OR2L13: variants seen among roughly 807,000 people sequenced by gnomAD.
OR2L13 encodes the protein olfactory receptor 2L13.
In OR2L13, 14 loss-of-function variants were observed where a neutral mutation model predicts 15.3. That is an observed-to-expected ratio of 0.91 (90% CI 0.60 to 1.43). The LOEUF (loss-of-function observed/expected upper bound fraction) is 1.43. Among genes scored for constraint, OR2L13 ranks in the 40% most tolerant of loss-of-function variants. The pLI is 0.00. For synonymous variants in OR2L13, 152 were observed against 142.9 expected, an observed-to-expected ratio of 1.06 and a Z score of -0.45; for missense variants, 367 against 387.9, an observed-to-expected ratio of 0.95 and a Z score of 0.45.
the OR2L13 span, among the ~76,000 whole-genome samples, chr1:247,953,601 A>T: frequency 6.6e-6 from 1 of 152,224 alleles, no homozygotes; most frequent in African/African-American, 2.4e-5. Context: ...ATCCACAAAT[A>T]TGCTAAGTTG....
chr1:247,969,912 G>C, the OR2L13 span, among the ~76,000 whole-genome samples: 1 of 152,168 alleles, frequency 6.6e-6, no homozygotes, highest in Admixed American at 6.5e-5. Context: ...CTGAGACTGA[G>C]TGCATACAAC....
chr1:248,022,309 G>T, the OR2L13 span: 6 of 1,613,970 alleles, frequency 3.7e-6, no homozygotes, highest in African/African-American at 6.7e-5. Context: ...GCCTATGATC[G>T]TTATGTGGCC....
the OR2L13 span, among the ~76,000 whole-genome samples, chr1:247,973,770 G>A: frequency 6.6e-5 from 10 of 152,034 alleles, no homozygotes; most frequent in East Asian, 5.8e-4. Context: ...TTAAAATGTC[G>A]GGAAACAACA....
chr1:247,997,765 C>T, the OR2L13 span, among the ~76,000 whole-genome samples: 8 of 152,248 alleles, frequency 5.3e-5, no homozygotes, highest in South Asian at 8.3e-4. Context: ...CATTTCTGAA[C>T]GTTGGACTAA....
the OR2L13 span, chr1:247,965,485 G>C: frequency 1.2e-6 from 2 of 1,613,492 alleles, no homozygotes. Flanking sequence ...CCTCTTTACA[G>C]TTGCTCTGAC....
At chr1:247,975,135 C>A in the OR2L13 span, 1 of 392,778 alleles carries the variant, frequency 2.5e-6, no homozygotes, top group South Asian at 2.3e-5. Flanking sequence ...CTCCACTATC[C>A]CATCCATATG....
chr1:248,076,105 T>C, the OR2L13 span, among the ~76,000 whole-genome samples: 13 of 152,200 alleles, frequency 8.5e-5, no homozygotes, highest in Non-Finnish European at 1.8e-4. Context: ...AAATAGGGAA[T>C]CCTTTCCCCA....
chr1:248,085,600 T>G, the OR2L13 span, among the ~76,000 whole-genome samples: 1 of 151,706 alleles, frequency 6.6e-6, no homozygotes, highest in African/African-American at 2.4e-5. Flanking sequence ...GTTACATAAC[T>G]TGTATTTGTG....
At chr1:247,949,564 C>T in the OR2L13 span, 3 of 1,614,084 alleles carry the variant, frequency 1.9e-6, no homozygotes. Context: ...AGGAAGAAAG[C>T]CTATTTGACC....
chr1:247,992,006 G>A, the OR2L13 span, among the ~76,000 whole-genome samples: 18 of 149,226 alleles, frequency 1.2e-4, 2 homozygotes, highest in South Asian at 2.3e-3. Context: ...TAGGAAGTTG[G>A]TCCTTGAACA....
the OR2L13 span, chr1:248,022,192 C>A: frequency 6.2e-7 from 1 of 1,614,078 alleles, no homozygotes; most frequent in Non-Finnish European, 8.5e-7. Flanking sequence ...AAGATGGCTT[C>A]TGATTTTCTG....
the OR2L13 span, among the ~76,000 whole-genome samples, chr1:247,975,997 A>G: frequency 8.5e-5 from 13 of 152,190 alleles, no homozygotes. Flanking sequence ...TAAGACAAAA[A>G]TAATAAATTA....
the OR2L13 span, among the ~76,000 whole-genome samples, chr1:248,018,102 C>T: frequency 6.7e-6 from 1 of 150,104 alleles, no homozygotes; most frequent in East Asian, 1.9e-4. Flanking sequence ...TTGCAGTGAG[C>T]CGAGATCACA....
the OR2L13 span, among the ~76,000 whole-genome samples, chr1:248,027,252 TA>T: frequency 2.0e-5 from 3 of 152,222 alleles, no homozygotes; most frequent in Non-Finnish European, 4.4e-5. Context: ...TCCTGCCTAA[TA>T]AATTTTGTTC....
the OR2L13 span, among the ~76,000 whole-genome samples, chr1:248,086,466 A>G: frequency 6.6e-6 from 1 of 152,220 alleles, no homozygotes; most frequent in Non-Finnish European, 1.5e-5. Flanking sequence ...ATGGTTATAG[A>G]TGAGACTTTT....
the OR2L13 span, among the ~76,000 whole-genome samples, chr1:247,957,494 G>A: frequency 2.6e-5 from 4 of 152,104 alleles, no homozygotes; most frequent in Non-Finnish European, 5.9e-5. Flanking sequence ...TTTTCTATTG[G>A]TTGGAATAGT....
At chr1:248,064,432 C>T in the OR2L13 span, among the ~76,000 whole-genome samples, 4 of 152,172 alleles carry the variant, frequency 2.6e-5, no homozygotes, top group Admixed American at 6.5e-5. Context: ...AACTTCCCAG[C>T]TTCCACAACT....
the OR2L13 span, among the ~76,000 whole-genome samples, chr1:247,955,790 TG>T: frequency 6.6e-6 from 1 of 152,144 alleles, no homozygotes; most frequent in Admixed American, 6.6e-5. Flanking sequence ...TTGATGGGAT[TG>T]TTTTTTTCTT....
chr1:248,022,842 G>T, the OR2L13 span: 1 of 1,612,142 alleles, frequency 6.2e-7, no homozygotes, highest in Non-Finnish European at 8.5e-7. Flanking sequence ...GGTGATGGGG[G>T]CCCTGACACG....
Sources: allele counts gnomAD v4.1 joint callset (sites outside exome capture counted in the v4.1 genomes callset), GRCh38; gene constraint gnomAD v4.1.1; transcripts MANE v1.5; gene names NCBI Gene and HGNC (gene_info 2026-07-23, HGNC 2026-07-21).